Variants in KCNIP3 observed in about 807,000 individuals in gnomAD.
KCNIP3 encodes calsenilin.
KCNIP3 carries 28 observed loss-of-function variants against 35.0 expected under a neutral mutation model. The ratio of observed to expected loss-of-function variants is 0.80; its 90% CI spans 0.59 to 1.10. The LOEUF (loss-of-function observed/expected upper bound fraction) is 1.10. Ranked by LOEUF, KCNIP3 falls within the 50% of genes least tolerant of loss-of-function variation. The probability of loss-of-function intolerance (pLI) is 0.00; values close to 1 mark genes in which losing one functional copy is unlikely to be tolerated. For missense variants in KCNIP3, 295 were observed against 338.4 expected, an observed-to-expected ratio of 0.87 and a Z score of 1.01; for synonymous variants, 134 against 133.8, an observed-to-expected ratio of 1.00 and a Z score of -0.01.
chr2:95,354,300 A>G (rs1265058383), intron 2 of KCNIP3, among the ~76,000 whole-genome samples: 1 of 152,240 alleles, frequency 6.6e-6, no homozygotes, highest in Admixed American at 6.5e-5. Context: ...GGTATGCCCA[A>G]CACTGCCTGG....
chr2:95,381,325 ATGCACACCCTCACACAGG>A (rs765668708), intron 5 of KCNIP3, among the ~76,000 whole-genome samples: 6 of 151,732 alleles, frequency 4.0e-5, no homozygotes, highest in Non-Finnish European at 5.9e-5. Flanking sequence ...ACACATACAG[ATGCACACCCTCACACAGG>A]TGCACACCCT....
rs1405554112 is a variant in KCNIP3, at chr2:95,384,106, C to G, written c.*57C>G. On this transcript the variant is annotated 3_prime_UTR_variant, in exon 9 of 9. Transcript: ENST00000295225. ...ACCTCCACCCCCAAGAAACCTCCAT[C>G]CTGCCAGGAGCAGCCTCCAAGAAAC... is the stretch of plus-strand genomic sequence containing the variant. The G allele has an allele frequency of 6.5e-7, 1 of 1,531,710 alleles. No individual in the cohort carries two copies. The highest frequency in any genetic ancestry group is 2.2e-5 in the East Asian group (1 of 44,504). The allele number at this position is 1,531,710 out of a possible 1,614,324, so 94.9% of individuals were successfully genotyped here.
chr2:95,320,132 C>G (rs758166277), intron 2 of KCNIP3, among the ~76,000 whole-genome samples: 2 of 152,082 alleles, frequency 1.3e-5, no homozygotes, highest in Non-Finnish European at 2.9e-5. Context: ...GGTGTGGACC[C>G]GGAGGCGCGG....
rs901752389 is a variant in KCNIP3 at position 95,383,279 on chromosome 2, G to A, written c.708G>A (p.Leu236=). ...GGGTAGTGACCATTGAAGAGTTCCT[G>A]GAGGCCTGTCAGAAGGTAGGTGGCA... ...QDGVVTIEEF[L]EACQKDENIM... Residue 236 remains leucine, a synonymous_variant, in exon 8 of 9, where the codon CTG becomes CTA. Coordinates refer to ENST00000295225, the MANE Select transcript of KCNIP3 (RefSeq NM_013434.5). The A allele has an allele frequency of 5.0e-6, 8 of 1,613,686 alleles. No homozygotes were observed. The highest frequency in any genetic ancestry group is 1.3e-5 in the African/African-American group (1 of 74,912).
chr2:95,340,096 G>A (rs1345428823), intron 2 of KCNIP3, among the ~76,000 whole-genome samples: 2 of 152,352 alleles, frequency 1.3e-5, no homozygotes, highest in East Asian at 1.9e-4. Context: ...ACAGCACTTT[G>A]GGATGCTGAG....
intron 1 of KCNIP3, among the ~76,000 whole-genome samples, chr2:95,307,869 T>C (rs1176898126): frequency 1.3e-5 from 2 of 152,188 alleles, no homozygotes; most frequent in Non-Finnish European, 2.9e-5. Flanking sequence ...AAAGAATTTG[T>C]GATGTAATGA....
intron 5 of KCNIP3, 26 bp from the exon 6 acceptor site, chr2:95,381,570 C>T (rs771860577): frequency 1.0e-5 from 16 of 1,538,864 alleles, no homozygotes; most frequent in African/African-American, 6.8e-5. Context: ...TTGGATGTCA[C>T]GCCCCACACT....
chr2:95,332,810 G>C (rs1380660322), intron 2 of KCNIP3, among the ~76,000 whole-genome samples: 1 of 152,144 alleles, frequency 6.6e-6, no homozygotes, highest in Non-Finnish European at 1.5e-5. Context: ...CTCAGACCTG[G>C]GTTCTCAAGC....
At chr2:95,307,502 C>T (rs1488910217) in intron 1 of KCNIP3, among the ~76,000 whole-genome samples, 1 of 152,230 alleles carries the variant, frequency 6.6e-6, no homozygotes, top group African/African-American at 2.4e-5. Context: ...ATCGTCTTAC[C>T]GATTGCAGGG....
intron 1 of KCNIP3, among the ~76,000 whole-genome samples, chr2:95,304,120 G>A (rs1290862646): frequency 1.3e-5 from 2 of 152,222 alleles, no homozygotes; most frequent in East Asian, 1.9e-4. Flanking sequence ...GGGTCGCCTG[G>A]CTGAGTCGAG....
chr2:95,336,266 C>G (rs1394312335), intron 2 of KCNIP3, among the ~76,000 whole-genome samples: 1 of 152,218 alleles, frequency 6.6e-6, no homozygotes, highest in Non-Finnish European at 1.5e-5. Flanking sequence ...GCAGAGGCAA[C>G]AGCCCTCAAT....
At chr2:95,341,826 T>C (rs1329869861) in intron 2 of KCNIP3, among the ~76,000 whole-genome samples, 9 of 152,206 alleles carry the variant, frequency 5.9e-5, no homozygotes, top group Non-Finnish European at 1.3e-4. Context: ...TAAATATTTA[T>C]ACAAGGCAGG....
chr2:95,326,000 C>T (rs1439736955), intron 2 of KCNIP3, among the ~76,000 whole-genome samples: 1 of 151,542 alleles, frequency 6.6e-6, no homozygotes, highest in African/African-American at 2.4e-5. Flanking sequence ...CTCACACACA[C>T]TCAGACACAC....
At chr2:95,331,963 C>T (rs1227549616) in intron 2 of KCNIP3, among the ~76,000 whole-genome samples, 1 of 152,220 alleles carries the variant, frequency 6.6e-6, no homozygotes, top group Non-Finnish European at 1.5e-5. Context: ...GCAGCGTCTG[C>T]ATGTGAGAGG....
chr2:95,374,465 C>A (rs376325861), intron 3 of KCNIP3, 45 bp downstream of exon 3: 44 of 1,599,820 alleles, frequency 2.8e-5, no homozygotes, highest in African/African-American at 4.0e-5. Context: ...GAGACCCTGG[C>A]TCAGGGAGAC....
At chr2:95,343,465 G>A (rs1189672907) in intron 2 of KCNIP3, among the ~76,000 whole-genome samples, 1 of 152,200 alleles carries the variant, frequency 6.6e-6, no homozygotes, top group Non-Finnish European at 1.5e-5. Flanking sequence ...ACTCCGGAGA[G>A]TTGGGACTGG....
At chr2:95,315,517 C>G (rs1355673109) in intron 2 of KCNIP3, among the ~76,000 whole-genome samples, 3 of 152,138 alleles carry the variant, frequency 2.0e-5, no homozygotes, top group Non-Finnish European at 4.4e-5. Flanking sequence ...CTTACTCCCC[C>G]GATCCTGCCC....
chr2:95,319,018 A>T (rs1290321886), intron 2 of KCNIP3, among the ~76,000 whole-genome samples: 1 of 152,228 alleles, frequency 6.6e-6, no homozygotes, highest in Non-Finnish European at 1.5e-5. Flanking sequence ...CCAGGGGCTC[A>T]TCCCCCAATC....
intron 2 of KCNIP3, among the ~76,000 whole-genome samples, chr2:95,361,103 A>T (rs1679788405): frequency 1.3e-5 from 2 of 152,192 alleles, no homozygotes; most frequent in African/African-American, 4.8e-5. Flanking sequence ...ATCTAAACAC[A>T]CAGAGCTGGA....
Sources: gnomAD v4.1 joint callset for allele counts (sites outside exome capture counted in the v4.1 genomes callset) on GRCh38, gnomAD v4.1.1 for gene constraint, MANE v1.5 for transcripts, NCBI Gene and HGNC (gene_info 2026-07-23, HGNC 2026-07-21) for gene names.